The following CRTAC1 variants were observed in gnomAD, a reference collection of about 807,000 sequenced individuals.
CRTAC1 encodes acidic secreted protein in cartilage.
CRTAC1 carries 37 observed loss-of-function variants against 67.8 expected under a neutral mutation model. The observed-to-expected ratio is 0.55, with a 90% CI of 0.42 to 0.72. The LOEUF is 0.72. CRTAC1 is among the 30% of genes least tolerant of loss of function. The pLI, the probability that CRTAC1 is intolerant of heterozygous loss-of-function variation, is 0.00. For synonymous variants in CRTAC1, 348 were observed against 371.0 expected, an observed-to-expected ratio of 0.94 and a Z score of 0.71; for missense variants, 780 against 931.6, an observed-to-expected ratio of 0.84 and a Z score of 2.12.
intron 8 of CRTAC1, 110 bp downstream of exon 8, chr10:97,901,393 A>AC (rs1372788399): frequency 1.5e-6 from 2 of 1,345,094 alleles, no homozygotes; most frequent in Admixed American, 3.9e-5. Context: ...CCTTGGCCTG[A>AC]CCCCCTGGCC....
At chr10:97,902,495 C>T (rs1004171331) in intron 7 of CRTAC1, among the ~76,000 whole-genome samples, 1 of 152,188 alleles carries the variant, frequency 6.6e-6, no homozygotes, top group South Asian at 2.1e-4. Flanking sequence ...CCAGGATAGC[C>T]CAGCTGGGAC....
chr10:97,996,206 T>C (rs941922240), intron 2 of CRTAC1, among the ~76,000 whole-genome samples: 2 of 151,742 alleles, frequency 1.3e-5, no homozygotes, highest in Non-Finnish European at 2.9e-5. Flanking sequence ...CCAAAAGCAA[T>C]GGCAACAGAA....
chr10:98,017,541 T>C (rs1843023707), intron 1 of CRTAC1, among the ~76,000 whole-genome samples: 1 of 152,090 alleles, frequency 6.6e-6, no homozygotes. Flanking sequence ...ATAATTTCTT[T>C]TCTGTTTTTT....
intron 2 of CRTAC1, among the ~76,000 whole-genome samples, chr10:97,978,225 C>T (rs1238837248): frequency 6.6e-6 from 1 of 152,194 alleles, no homozygotes; most frequent in Non-Finnish European, 1.5e-5. Flanking sequence ...TCAGGCTCCA[C>T]TCCTAGACCT....
At chr10:97,948,731 C>T (rs978553818) in intron 2 of CRTAC1, among the ~76,000 whole-genome samples, 2 of 152,158 alleles carry the variant, frequency 1.3e-5, no homozygotes, top group East Asian at 3.9e-4. Flanking sequence ...CATTCTCATG[C>T]TGCTATAAAG....
At chr10:97,928,497 C>G (rs1424484168) in intron 3 of CRTAC1, among the ~76,000 whole-genome samples, 3 of 152,240 alleles carry the variant, frequency 2.0e-5, no homozygotes, top group African/African-American at 7.2e-5. Flanking sequence ...CATTAACCCT[C>G]ACCAAAACCC....
Position 98,029,282 on chromosome 10 carries a change from G to C in CRTAC1, c.24+1167C>G, listed in dbSNP as rs1020884719. Among the ~76,000 whole-genome samples the C allele has an allele frequency of 2.6e-5, 4 of 152,064 alleles. No individual in the cohort carries two copies. The highest frequency in any genetic ancestry group is 1.3e-4 in the Admixed American group (2 of 15,258). ...GTCAATCGCTTATCTCTTCCCACAT[G>C]AGTTCTCCCCTGACTCAAGAAAACA... On this transcript the variant is annotated intron_variant, in intron 1 of 14. Transcript: ENST00000370597. The surrounding 1 kb of genome is among the most constrained non-coding windows in gnomAD (Gnocchi z 4.7).
At chr10:98,018,232 A>AAAAAAAAT (rs1843042333) in intron 1 of CRTAC1, among the ~76,000 whole-genome samples, 1 of 134,194 alleles carries the variant, frequency 7.5e-6, no homozygotes, top group Admixed American at 7.5e-5. Flanking sequence ...AAAAAAAAAA[A>AAAAAAAAT]GAGAGAGAGA....
At chr10:97,931,838 C>CA (rs1265484536) in intron 3 of CRTAC1, among the ~76,000 whole-genome samples, 1 of 152,158 alleles carries the variant, frequency 6.6e-6, no homozygotes, top group African/African-American at 2.4e-5. Flanking sequence ...TGACCCCCCC[C>CA]AGGGGATGGG....
In CRTAC1 at chr10:97,981,809, C is replaced by T. The variant is rs550935203; in HGVS notation, c.224+29329G>A. ...ATATTGAGTAGTATAATCTACCTAA[C>T]TTTTGCCAGTTTTGTTAATAAAAAC... On this transcript the variant is annotated intron_variant, in intron 2 of 14. Transcript: ENST00000370597. Among the ~76,000 whole-genome samples the T allele has an allele frequency of 5.3e-5, 8 of 152,334 alleles. No individual in the cohort carries two copies. The East Asian group carries it at 1.5e-3, about 29-fold the overall frequency.
At chr10:98,023,657 C>T (rs922171919) in intron 1 of CRTAC1, among the ~76,000 whole-genome samples, 2 of 152,176 alleles carry the variant, frequency 1.3e-5, no homozygotes, top group African/African-American at 2.4e-5. Flanking sequence ...AATGTGCCAC[C>T]CCTTAGAGGA....
In CRTAC1 at chr10:97,881,773, T is replaced by TCCACCTCC. The variant is rs568573119; in HGVS notation, c.1675+1005_1675+1012dup. 7.8e-3 allele frequency among the ~76,000 whole-genome samples: 1,186 copies of TCCACCTCC among 152,180 alleles called. 15 individuals carry two copies. Among genetic ancestry groups the TCCACCTCC allele is most frequent in the African/African-American group, 0.028 (1,148 of 41,504 alleles). ...CAGCCACCCTTGGCACCACTGCTCC[T>TCCACCTCC]CCACCTCCCCACCTGTGCTCCTTTG... On this transcript the variant is annotated intron_variant, in intron 13 of 14. Coordinates refer to ENST00000370597, the MANE Select transcript of CRTAC1 (RefSeq NM_018058.7).
intron 1 of CRTAC1, among the ~76,000 whole-genome samples, chr10:98,014,086 C>T (rs527842680): frequency 7.2e-4 from 110 of 152,260 alleles, no homozygotes; most frequent in Non-Finnish European, 8.4e-4. Flanking sequence ...GCAATGGTTA[C>T]GGTGAGGAAG....
In CRTAC1 at chr10:97,936,246, G is replaced by A. The variant is rs35027739; in HGVS notation, c.345C>T (p.Ile115=). 0.19 allele frequency: 300,952 copies of A among 1,613,882 alleles called. 30,132 individuals carry two copies. Among genetic ancestry groups the A allele is most frequent in the South Asian group, 0.22 (20,196 of 91,056 alleles). ...CGTCGATGTCGCAGGCTGTGACCCCGATGGCGTTCCCCTGCCGGTCCCGCA... is the reference window on the plus strand; with the variant it reads ...CGTCGATGTCGCAGGCTGTGACCCCAATGGCGTTCCCCTGCCGGTCCCGCA... ...YALRDRQGNA[I]GVTACDIDGD... The change falls in exon 3 of 15, where the codon ATC becomes ATT. Residue 115 remains isoleucine, a synonymous_variant. Transcript: ENST00000370597.
intron 3 of CRTAC1, among the ~76,000 whole-genome samples, chr10:97,934,499 A>G (rs760361970): frequency 2.0e-5 from 3 of 151,670 alleles, no homozygotes; most frequent in Non-Finnish European, 4.4e-5. Flanking sequence ...ATAAGCCCCA[A>G]CCTCTTCCCC....
At chr10:98,005,096 A>ATTTTTTTTTT (rs1247445698) in intron 2 of CRTAC1, among the ~76,000 whole-genome samples, 6 of 33,012 alleles carry the variant, frequency 1.8e-4, no homozygotes, top group East Asian at 2.3e-3. Context: ...ATATATATAT[A>ATTTTTTTTTT]TATATTTTTT....
At chr10:97,961,588 G>C (rs1450725668) in intron 2 of CRTAC1, among the ~76,000 whole-genome samples, 1 of 152,234 alleles carries the variant, frequency 6.6e-6, no homozygotes, top group Non-Finnish European at 1.5e-5. Context: ...GACCGAGCAA[G>C]ACACAGGATC....
chr10:98,030,584 C>G lies in CRTAC1; in HGVS notation c.-112G>C. On this transcript the variant is annotated 5_prime_UTR_variant, in exon 1 of 15. Coordinates refer to ENST00000370597, the MANE Select transcript of CRTAC1 (RefSeq NM_018058.7). This position sits in a 1 kb window ranked among gnomAD's most constrained non-coding sequence, Gnocchi z 4.2. Reference sequence around the variant, plus strand: ...CCCAGCCCCGGTCCCGGGCTGGCCTCGAGCCTCCCGCCCCGACGCCGCGCG... The same window carrying G: ...CCCAGCCCCGGTCCCGGGCTGGCCTGGAGCCTCCCGCCCCGACGCCGCGCG... 1 of 675,226 alleles carries G rather than the reference C, an allele frequency of 1.5e-6. No homozygotes were observed. The highest frequency in any genetic ancestry group is 1.9e-5 in the African/African-American group (1 of 53,348). The allele number at this position is 675,226 out of a possible 1,614,324, so 41.8% of individuals were successfully genotyped here.
intron 2 of CRTAC1, among the ~76,000 whole-genome samples, chr10:97,993,902 C>T (rs2136675619): frequency 6.6e-6 from 1 of 152,178 alleles, no homozygotes; most frequent in South Asian, 2.1e-4. Flanking sequence ...TGTCCGCCAG[C>T]CTGGAGTGCA....
Sources: allele counts gnomAD v4.1 joint callset (sites outside exome capture counted in the v4.1 genomes callset), GRCh38; gene constraint gnomAD v4.1.1; non-coding constraint Gnocchi (gnomAD v3.1); transcripts MANE v1.5; gene names NCBI Gene and HGNC (gene_info 2026-07-23, HGNC 2026-07-21).